The following STK17B variants were observed in gnomAD, a reference collection of about 807,000 sequenced individuals.
STK17B encodes the protein serine/threonine kinase 17b, also known as serine/threonine-protein kinase 17B.
A neutral mutation model predicts 42.0 loss-of-function variants in STK17B; 21 were observed. The ratio of observed to expected loss-of-function variants is 0.50; its 90% CI spans 0.35 to 0.72. The LOEUF is 0.72. STK17B is among the 30% of genes least tolerant of loss of function. STK17B has a pLI of 0.00. For missense variants in STK17B, 349 were observed against 446.0 expected, an observed-to-expected ratio of 0.78 and a Z score of 1.96; for synonymous variants, 143 against 148.4, an observed-to-expected ratio of 0.96 and a Z score of 0.26.
intron 4 of STK17B, among the ~76,000 whole-genome samples, chr2:196,144,925 T>C (rs1050302420): frequency 6.6e-6 from 1 of 151,958 alleles, no homozygotes. Context: ...ATTAGCTCTG[T>C]TGTTGTCAAC....
intron 3 of STK17B, chr2:196,154,432 C>T (rs1029439630): frequency 9.2e-5 from 14 of 152,176 alleles, no homozygotes; most frequent in African/African-American, 3.4e-4. Context: ...ACAATAAATA[C>T]ACATCATCAC....
chr2:196,151,143 T>C (rs1469143689), intron 3 of STK17B: 1 of 152,178 alleles, frequency 6.6e-6, no homozygotes, highest in South Asian at 2.1e-4. Flanking sequence ...AAAAAGAAAA[T>C]AGCATTCTCA....
upstream of STK17B, among the ~76,000 whole-genome samples, chr2:196,175,053 A>G (rs1699985518): frequency 6.6e-6 from 1 of 152,264 alleles, no homozygotes; most frequent in African/African-American, 2.4e-5. Flanking sequence ...TCTACTAGTC[A>G]TATTTTAAAA....
At chr2:196,168,722 T>C (rs1237646539) in intron 1 of STK17B, among the ~76,000 whole-genome samples, 2 of 152,196 alleles carry the variant, frequency 1.3e-5, no homozygotes, top group African/African-American at 4.8e-5. Flanking sequence ...AAAAACTTAA[T>C]AAAGTATGCC....
At position 196,137,844 on chromosome 2, in the gene STK17B, T is replaced by C. The variant is rs972706580; in HGVS notation, c.837-115A>G. The C allele has an allele frequency of 2.3e-5, 27 of 1,156,304 alleles. 1 individual carries two copies. The Middle Eastern group carries it at 6.1e-4, about 26-fold the overall frequency. 71.6% of individuals were successfully genotyped at this position (1,156,304 alleles called of 1,614,324 possible). ...TTCTTGTGAAAATAAAACATACTCA[T>C]AGTATAAAATCCAAACAGTACAGAA... On this transcript the variant is annotated intron_variant, in intron 7 of 7. Coordinates refer to ENST00000263955, the MANE Select transcript of STK17B (RefSeq NM_004226.4).
At chr2:196,161,299 G>GA (rs66877471) in intron 2 of STK17B, among the ~76,000 whole-genome samples, 82 of 143,398 alleles carry the variant, frequency 5.7e-4, no homozygotes, top group Admixed American at 2.4e-3. Flanking sequence ...AAGAAAAAAA[G>GA]AAAAAAAAAA....
chr2:196,159,208 T>A (rs982134252), intron 2 of STK17B, among the ~76,000 whole-genome samples: 2 of 152,028 alleles, frequency 1.3e-5, no homozygotes, highest in Admixed American at 1.3e-4. Context: ...AAAAACAGTT[T>A]ATAGTAGTGC....
chr2:196,148,603 T>C (rs1699615985), intron 3 of STK17B, among the ~76,000 whole-genome samples: 1 of 152,108 alleles, frequency 6.6e-6, no homozygotes, highest in African/African-American at 2.4e-5. Flanking sequence ...TAACTTGAAA[T>C]TATTAGAAAA....
At chr2:196,162,616 G>A (rs1699826318) in intron 2 of STK17B, among the ~76,000 whole-genome samples, 1 of 152,060 alleles carries the variant, frequency 6.6e-6, no homozygotes, top group Non-Finnish European at 1.5e-5. Flanking sequence ...AGGTACAGTA[G>A]GCAGGGCGCA....
intron 1 of STK17B, among the ~76,000 whole-genome samples, chr2:196,167,335 G>C (rs1230084534): frequency 6.6e-6 from 1 of 152,212 alleles, no homozygotes; most frequent in African/African-American, 2.4e-5. Context: ...CATGGTATCT[G>C]CCACCCGGTA....
intron 3 of STK17B, chr2:196,156,219 G>A: frequency 5.1e-6 from 2 of 395,348 alleles, no homozygotes; most frequent in Non-Finnish European, 9.0e-6. Flanking sequence ...CTCAAATGTT[G>A]TATTTGTCAT....
At chr2:196,161,071 TTTTA>T (rs1699805677) in intron 2 of STK17B, among the ~76,000 whole-genome samples, 1 of 152,180 alleles carries the variant, frequency 6.6e-6, no homozygotes, top group Non-Finnish European at 1.5e-5. Context: ...AGAAAGTGAC[TTTTA>T]TTGTGTGTAC....
chr2:196,158,505 T>A (rs1699768371), intron 2 of STK17B, among the ~76,000 whole-genome samples: 1 of 152,210 alleles, frequency 6.6e-6, no homozygotes, highest in South Asian at 2.1e-4. Flanking sequence ...TACAAATTGA[T>A]GGGTTTCGAT....
At position 196,143,600 on chromosome 2, in the gene STK17B, C is replaced by A. The variant is rs369106843; in HGVS notation, c.567G>T (p.Ala189=). ...DFGMSRKIGH[A]CELREIMGTP... is the part of the protein sequence containing the mutation. ...TTCCCATGATTTCCCGAAGTTCACACGCATGCCCTATTTTTCGAGACATTC... is the reference window on the plus strand; with the variant it reads ...TTCCCATGATTTCCCGAAGTTCACAAGCATGCCCTATTTTTCGAGACATTC... Residue 189 remains alanine (A), a synonymous_variant, in exon 5 of 8, where the codon GCG becomes GCT. Coordinates refer to ENST00000263955, the MANE Select transcript of STK17B (RefSeq NM_004226.4). The A allele has an allele frequency of 6.2e-7, 1 of 1,608,524 alleles. No homozygotes were observed. Among genetic ancestry groups the A allele is most frequent in the Non-Finnish European group, 8.5e-7 (1 of 1,177,592 alleles).
Position 196,136,645 on chromosome 2 carries a change from T to G in STK17B, c.*802A>C, listed in dbSNP as rs1699410109. 1 of 152,230 alleles carries G rather than the reference T, an allele frequency of 6.6e-6. No individual in the cohort carries two copies. The highest frequency in any genetic ancestry group is 1.5e-5 in the Non-Finnish European group (1 of 68,048). 9.4% of individuals were successfully genotyped at this position (152,230 alleles called of 1,614,324 possible). A position where few individuals can be genotyped will look rare whatever the true frequency, so the allele number is the denominator to read the frequency against. On this transcript the variant is annotated 3_prime_UTR_variant, in exon 8 of 8. Transcript: ENST00000263955. ...TGACTAAAAATACAGAATATTTAAC[T>G]ATACCTAAGTATCTTCTACTCTAGA... is the stretch of plus-strand genomic sequence containing the variant.
At position 196,152,374 on chromosome 2, in the gene STK17B, T is replaced by G. The variant is rs565138530; in HGVS notation, c.335+4065A>C. 4.6e-5 allele frequency among the ~76,000 whole-genome samples: 7 copies of G among 152,362 alleles called. No homozygotes were observed. In the East Asian group the frequency reaches 1.3e-3, roughly 29 times the overall value. ...CTCCTGCCCTGGCCTCCCAAAGTGC[T>G]GGGATTACAGGCGTGAGCCACCACC... On this transcript the variant is annotated intron_variant, in intron 3 of 7. Transcript: ENST00000263955.
At chr2:196,157,405 A>G (rs1400434564) in intron 2 of STK17B, among the ~76,000 whole-genome samples, 1 of 152,178 alleles carries the variant, frequency 6.6e-6, no homozygotes, top group African/African-American at 2.4e-5. Context: ...AGAATAGCTT[A>G]CCTTTAAATA....
chr2:196,146,125 T>C, intron 3 of STK17B, 70 bp from the exon 4 acceptor site: 1 of 1,418,204 alleles, frequency 7.1e-7, no homozygotes, highest in African/African-American at 1.5e-5. Context: ...ATTGTGTACC[T>C]GTTAAGTAAA....
intron 1 of STK17B, chr2:196,165,958 T>C (rs1285559587): frequency 6.6e-6 from 1 of 152,254 alleles, no homozygotes; most frequent in African/African-American, 2.4e-5. Flanking sequence ...GTATTTTTGT[T>C]TTCTGTTTTA....
Sources: gnomAD v4.1 joint callset for allele counts (sites outside exome capture counted in the v4.1 genomes callset) on GRCh38, gnomAD v4.1.1 for gene constraint, MANE v1.5 for transcripts, NCBI Gene and HGNC (gene_info 2026-07-23, HGNC 2026-07-21) for gene names.